PRKG1: variants seen among roughly 807,000 people sequenced by gnomAD.
PRKG1 encodes cGMP-dependent protein kinase 1.
In PRKG1, 35 loss-of-function variants were observed where a neutral mutation model predicts 88.1. The ratio of observed to expected loss-of-function variants is 0.40; its 90% CI spans 0.30 to 0.53. PRKG1 has a LOEUF of 0.53. PRKG1 is among the 20% of genes least tolerant of loss of function. The pLI, the probability that PRKG1 is intolerant of heterozygous loss-of-function variation, is 0.59. For missense variants in PRKG1, 540 were observed against 839.8 expected (o/e 0.64, Z 4.41); for synonymous variants, 303 against 292.5 (o/e 1.04, Z -0.37).
intron 3 of PRKG1, among the ~76,000 whole-genome samples, chr10:51,784,820 C>G (rs1838687075): frequency 6.6e-6 from 1 of 152,034 alleles, no homozygotes; most frequent in Admixed American, 6.6e-5. Context: ...ATAATCATAG[C>G]TTTTGGAATA....
rs1232255515 is a variant in PRKG1, at chr10:52,295,712, C to A, written c.*1812C>A. The A allele has an allele frequency of 6.6e-6, 1 of 151,848 alleles. No individual in the cohort carries two copies. Among genetic ancestry groups the A allele is most frequent in the Non-Finnish European group, 1.5e-5 (1 of 67,890 alleles). The allele number at this position is 151,848 out of a possible 1,614,324, so 9.4% of individuals were successfully genotyped here. On this transcript the variant is annotated 3_prime_UTR_variant, in exon 18 of 18. Transcript: ENST00000373980. ...TCTGGAAGAAAAAGTCCAATTAGAT[C>A]ATTACACCTTAACTAAGAAGGCAAA...
chr10:52,142,353 C>T (rs1837604022), intron 8 of PRKG1, among the ~76,000 whole-genome samples: 1 of 152,022 alleles, frequency 6.6e-6, no homozygotes. Context: ...GGGTTTTATG[C>T]TCAGTGCTAT....
At chr10:51,594,522 A>G (rs1355010712) in intron 3 of PRKG1, among the ~76,000 whole-genome samples, 1 of 152,234 alleles carries the variant, frequency 6.6e-6, no homozygotes, top group African/African-American at 2.4e-5. Context: ...AATTACAAGG[A>G]ACATCATGTG....
intron 1 of PRKG1, among the ~76,000 whole-genome samples, chr10:51,068,815 A>T (rs1843785759): frequency 6.6e-6 from 1 of 152,024 alleles, no homozygotes. Flanking sequence ...CTTATTTATC[A>T]TACAGGTATG....
At chr10:51,005,157 C>G (rs932703113) in intron 1 of PRKG1, among the ~76,000 whole-genome samples, 3 of 151,970 alleles carry the variant, frequency 2.0e-5, no homozygotes, top group African/African-American at 7.3e-5. Flanking sequence ...TAAGGGTATT[C>G]AATCGTGTGA....
chr10:51,822,169 G>T (rs1235789398), intron 4 of PRKG1, among the ~76,000 whole-genome samples: 1 of 151,640 alleles, frequency 6.6e-6, no homozygotes, highest in African/African-American at 2.4e-5. Flanking sequence ...ATATACATAT[G>T]TCATTTATGT....
chr10:51,192,847 C>T (rs1837664809), intron 2 of PRKG1, among the ~76,000 whole-genome samples: 1 of 151,946 alleles, frequency 6.6e-6, no homozygotes, highest in African/African-American at 2.4e-5. Context: ...TGGAAGTCTA[C>T]CTTTCAAGTC....
intron 3 of PRKG1, among the ~76,000 whole-genome samples, chr10:51,544,649 T>A (rs1842401681): frequency 1.3e-5 from 2 of 152,158 alleles, no homozygotes; most frequent in Admixed American, 6.5e-5. Context: ...CCACAATTGT[T>A]GAACTAGTTT....
chr10:51,289,874 T>G (rs1840537883), intron 2 of PRKG1, among the ~76,000 whole-genome samples: 1 of 152,186 alleles, frequency 6.6e-6, no homozygotes, highest in African/African-American at 2.4e-5. Context: ...ACTTCGAGAC[T>G]GCATTTCACT....
chr10:52,092,083 G>T (rs1263710378), intron 7 of PRKG1, among the ~76,000 whole-genome samples: 1 of 152,064 alleles, frequency 6.6e-6, no homozygotes, highest in Non-Finnish European at 1.5e-5. Flanking sequence ...TTAACTTGTG[G>T]TTCCTATATT....
intron 3 of PRKG1, among the ~76,000 whole-genome samples, chr10:51,664,283 G>A (rs1294105254): frequency 6.6e-6 from 1 of 152,048 alleles, no homozygotes; most frequent in South Asian, 2.1e-4. Context: ...CTCTTAAGAA[G>A]AATAATCATT....
chr10:52,146,375 G>C (rs1837727860), intron 8 of PRKG1, among the ~76,000 whole-genome samples: 1 of 152,018 alleles, frequency 6.6e-6, no homozygotes, highest in Admixed American at 6.6e-5. Context: ...ACATCCTGGG[G>C]CAGCATTAAT....
intron 2 of PRKG1, among the ~76,000 whole-genome samples, chr10:51,256,099 C>A (rs1839551044): frequency 6.6e-6 from 1 of 152,102 alleles, no homozygotes; most frequent in African/African-American, 2.4e-5. Flanking sequence ...TAAATTTTAC[C>A]CAATAGAGTG....
intron 2 of PRKG1, among the ~76,000 whole-genome samples, chr10:51,270,704 C>T (rs1324018164): frequency 6.6e-6 from 1 of 152,136 alleles, no homozygotes; most frequent in Admixed American, 6.6e-5. Context: ...TCAACCCTTT[C>T]CATGACTTGT....
chr10:52,101,529 G>T (rs1408999003), intron 7 of PRKG1, among the ~76,000 whole-genome samples: 2 of 152,108 alleles, frequency 1.3e-5, no homozygotes, highest in Non-Finnish European at 2.9e-5. Flanking sequence ...AGTTTTCCAG[G>T]AATACAGGGC....
At chr10:52,106,461 C>T (rs2132578580) in intron 7 of PRKG1, among the ~76,000 whole-genome samples, 1 of 152,112 alleles carries the variant, frequency 6.6e-6, no homozygotes, top group African/African-American at 2.4e-5. Context: ...AGAACAGTAA[C>T]TTATGTATAT....
intron 1 of PRKG1, among the ~76,000 whole-genome samples, chr10:51,105,069 C>T (rs1844798747): frequency 1.3e-5 from 2 of 152,166 alleles, no homozygotes; most frequent in Non-Finnish European, 1.5e-5. Context: ...TGGGATTTCA[C>T]AGTGGTGGCC....
intron 4 of PRKG1, among the ~76,000 whole-genome samples, chr10:51,828,947 A>G (rs61850005): frequency 0.36 from 54,506 of 152,084 alleles, 11,484 homozygotes; most frequent in Non-Finnish European, 0.46. Context: ...AAAACAACAA[A>G]CATTTATCAT....
intron 1 of PRKG1, among the ~76,000 whole-genome samples, chr10:51,064,499 T>C (rs1940520591): frequency 6.6e-6 from 1 of 152,102 alleles, no homozygotes; most frequent in South Asian, 2.1e-4. Flanking sequence ...ATGCAAGGCT[T>C]TGACTTTTTA....
Sources: gnomAD v4.1 joint callset for allele counts (sites outside exome capture counted in the v4.1 genomes callset) on GRCh38, gnomAD v4.1.1 for gene constraint, MANE v1.5 for transcripts, NCBI Gene and HGNC (gene_info 2026-07-23, HGNC 2026-07-21) for gene names.